Variants in HELLS observed in about 807,000 individuals in gnomAD.
HELLS encodes lymphoid-specific helicase.
In HELLS, 32 loss-of-function variants were observed where a neutral mutation model predicts 120.0. The ratio of observed to expected loss-of-function variants is 0.27; its 90% confidence interval spans 0.20 to 0.36. The LOEUF is 0.36. Among genes scored for constraint, HELLS ranks in the 10% least tolerant of loss-of-function variants. The pLI, the probability that HELLS is intolerant of heterozygous loss-of-function variation, is 1.00. For synonymous variants in HELLS, 341 were observed against 323.4 expected (o/e 1.05, Z -0.58); for missense variants, 650 against 993.4 (o/e 0.65, Z 4.65).
At chr10:94,562,501 A>G (rs966294784) in intron 4 of HELLS, among the ~76,000 whole-genome samples, 190 bp from the exon 5 acceptor site, 4 of 152,252 alleles carry the variant, frequency 2.6e-5, no homozygotes, top group Non-Finnish European at 5.9e-5. Flanking sequence ...GGGAAAAAGC[A>G]GAGATTATGA....
Position 94,554,196 on chromosome 10 carries a change from G to A in HELLS, c.224G>A (p.Ser75Asn). 1 of 1,578,064 alleles carries A rather than the reference G, an allele frequency of 6.3e-7. No individual in the cohort carries two copies. The highest frequency in any genetic ancestry group is 8.6e-7 in the Non-Finnish European group (1 of 1,165,344). The part of the protein sequence containing the change: ...YRRLQHLLEK[S>N]NIYSKFLLTK... ...AGACTTCAACATTTGCTTGAAAAAA[G>A]CAATATATACTCCAAATTTTTATTG... The change falls in exon 3 of 22, where the codon AGC becomes AAC. Residue 75 changes from serine to asparagine, a missense_variant. Ser to Asn is a conservative substitution (Grantham distance 46). This residue lies in a region of HELLS where 9 missense variants were observed against 31.1 expected (regional missense o/e 0.29). Coordinates refer to ENST00000348459, the MANE Select transcript of HELLS (RefSeq NM_018063.5).
intron 9 of HELLS, among the ~76,000 whole-genome samples, chr10:94,608,213 T>C (rs1438967951): frequency 6.6e-6 from 1 of 152,254 alleles, no homozygotes; most frequent in Non-Finnish European, 1.5e-5. Flanking sequence ...TTAAAACTTA[T>C]TCCACAGTTT....
At chr10:94,563,504 T>C (rs1012740895) in intron 6 of HELLS, among the ~76,000 whole-genome samples, 4 of 152,228 alleles carry the variant, frequency 2.6e-5, no homozygotes, top group Admixed American at 1.3e-4. Flanking sequence ...TTTCTTTTTT[T>C]GAGGCAGGGT....
intron 3 of HELLS, 131 bp downstream of exon 3, chr10:94,554,379 A>T: frequency 3.4e-6 from 2 of 587,124 alleles, no homozygotes; most frequent in Non-Finnish European, 5.5e-6. Flanking sequence ...ACTAGTAAAT[A>T]TATAGATCTG....
rs775038246 is a variant in HELLS, at chr10:94,571,405, TA to T, written c.461del (p.Asn154IlefsTer29). 162 of 1,488,838 alleles carry T rather than the reference TA, an allele frequency of 1.1e-4. No homozygotes were observed. Among genetic ancestry groups the T allele is most frequent in the Admixed American group, 4.1e-4 (23 of 55,994 alleles). The allele number at this position is 1,488,838 out of a possible 1,614,324, so 92.2% of individuals were successfully genotyped here. On this transcript the variant is annotated frameshift_variant, in exon 7 of 22. Transcript: ENST00000348459. LOFTEE classifies it high-confidence loss of function. The stretch of plus-strand genomic sequence containing the variant: ...ACTACTAGGAAATTTTGTCTGTGGC[TA>T]AAAAAAATAAAAAGGAGAATGAGGT... ...MSKEEILSVA[K>X]KNKKENEDEN...
chr10:94,550,560 G>T lies in HELLS; in HGVS notation c.154-3566G>T, dbSNP rs1452769255. 3.9e-5 allele frequency among the ~76,000 whole-genome samples: 6 copies of T among 151,956 alleles called. No individual in the cohort carries two copies. The East Asian group carries it at 1.2e-3, about 30-fold the overall frequency. ...CTCCCAAAGTGCCAGGATTACAGGCGTGAGCCACCATGCCTGGCTGTATTT... is the reference window on the plus strand; with the variant it reads ...CTCCCAAAGTGCCAGGATTACAGGCTTGAGCCACCATGCCTGGCTGTATTT... On this transcript the variant is annotated intron_variant, in intron 2 of 21. Transcript: ENST00000348459.
intron 21 of HELLS, 64 bp from the exon 22 acceptor site, chr10:94,601,464 T>A: frequency 1.1e-6 from 1 of 894,338 alleles, no homozygotes; most frequent in East Asian, 2.5e-5. Flanking sequence ...ATATTGGATG[T>A]TTCTTTTACG....
downstream of HELLS, among the ~76,000 whole-genome samples, chr10:94,603,881 G>C (rs1190174236): frequency 1.3e-5 from 2 of 151,926 alleles, no homozygotes; most frequent in Non-Finnish European, 2.9e-5. Context: ...AGGCTGGAGT[G>C]CAGTAGTGCA....
At chr10:94,588,499 A>G in intron 13 of HELLS, 109 bp downstream of exon 13, 1 of 723,690 alleles carries the variant, frequency 1.4e-6, no homozygotes, top group Non-Finnish European at 2.2e-6. Context: ...GCTGTGGTGC[A>G]GTGGCACAAT....
intron 21 of HELLS, among the ~76,000 whole-genome samples, chr10:94,599,023 G>A (rs1291029314): frequency 6.6e-6 from 1 of 151,950 alleles, no homozygotes; most frequent in African/African-American, 2.4e-5. Flanking sequence ...GATCTCTGTG[G>A]TATTCCTATG....
chr10:94,591,195 G>A (rs1430650167), intron 15 of HELLS, among the ~76,000 whole-genome samples: 2 of 152,136 alleles, frequency 1.3e-5, no homozygotes, highest in Admixed American at 6.5e-5. Flanking sequence ...TCTAAATTTA[G>A]TAATTGATTT....
intron 11 of HELLS, 102 bp from the exon 12 acceptor site, chr10:94,582,861 C>T (rs1844944015): frequency 1.7e-6 from 1 of 603,542 alleles, no homozygotes; most frequent in South Asian, 2.8e-5. Context: ...TGCAACAATA[C>T]CACGTTTCAT....
At chr10:94,546,875 G>C (rs1408759817) in intron 2 of HELLS, among the ~76,000 whole-genome samples, 1 of 152,148 alleles carries the variant, frequency 6.6e-6, no homozygotes, top group Admixed American at 6.5e-5. Context: ...GCTAAAACCT[G>C]CAGAAGTAAT....
intron 2 of HELLS, among the ~76,000 whole-genome samples, chr10:94,553,450 T>G (rs1372235884): frequency 1.3e-5 from 2 of 151,762 alleles, no homozygotes; most frequent in Non-Finnish European, 2.9e-5. Flanking sequence ...GGTTTCACCA[T>G]TTTGGCCAGG....
chr10:94,607,850 C>G, intron 8 of HELLS: 1 of 339,184 alleles, frequency 2.9e-6, no homozygotes, highest in Admixed American at 3.4e-5. Context: ...GCATCAGCCT[C>G]CTGGGTAGTT....
intron 9 of HELLS, among the ~76,000 whole-genome samples, chr10:94,575,932 G>A (rs1844454423): frequency 6.6e-6 from 1 of 151,960 alleles, no homozygotes; most frequent in African/African-American, 2.4e-5. Flanking sequence ...CAGGTAGCTG[G>A]GATTACGGGC....
chr10:94,590,641 T>G lies in HELLS; in HGVS notation c.1632T>G (p.Ala544=). ...QIQPEVDRER[A]VVEVNIPVES... ...TATGCATTATTTGTTTTGGTAGAGC[T>G]GTTGTGGAAGTGAATATCCCTGTAG... Residue 544 remains alanine, a synonymous_variant, in exon 15 of 22, where the codon GCT becomes GCG. Transcript: ENST00000348459. 1 of 1,608,384 alleles carries G rather than the reference T, an allele frequency of 6.2e-7. No homozygotes were observed. Among genetic ancestry groups the G allele is most frequent in the Non-Finnish European group, 8.5e-7 (1 of 1,178,494 alleles).
At chr10:94,563,754 T>A (rs1286068949) in intron 6 of HELLS, among the ~76,000 whole-genome samples, 1 of 152,052 alleles carries the variant, frequency 6.6e-6, no homozygotes, top group Non-Finnish European at 1.5e-5. Flanking sequence ...CCTCCCAAAC[T>A]GCTGAGAGTA....
rs71031590 is a variant in HELLS, at chr10:94,609,011, C to CTTTTT, written c.*2-817_*2-813dup. The stretch of plus-strand genomic sequence containing the variant: ...TTACACTTTTTGTCTGTATCCACCT[C>CTTTTT]TTTTTTTTTTTTTTTTTTTTTTTTT... On this transcript the variant is annotated intron_variant, in intron 9 of 9. Transcript: ENST00000371327. Among the ~76,000 whole-genome samples the CTTTTT allele has an allele frequency of 1.7e-3, 118 of 68,232 alleles. 14 individuals are homozygous for CTTTTT. Among genetic ancestry groups the CTTTTT allele is most frequent in the East Asian group, 5.7e-3 (10 of 1,764 alleles). 44.8% of individuals were successfully genotyped at this position (68,232 alleles called of 152,430 possible). A position where few individuals can be genotyped will look rare whatever the true frequency, so the allele number is the denominator to read the frequency against.
Sources: gnomAD v4.1 joint callset for allele counts (sites outside exome capture counted in the v4.1 genomes callset) on GRCh38, gnomAD v4.1.1 for gene constraint, gnomAD v4.1.1 regional missense constraint, MANE v1.5 for transcripts, NCBI Gene and HGNC (gene_info 2026-07-23, HGNC 2026-07-21) for gene names.